Variants in COL16A1 observed in about 807,000 individuals in gnomAD.
COL16A1 encodes the protein collagen alpha-1(XVI) chain.
In COL16A1, 189 loss-of-function variants were observed where a neutral mutation model predicts 266.3. The ratio of observed to expected loss-of-function variants is 0.71; its 90% CI spans 0.63 to 0.80. The LOEUF is 0.80. Ranked by LOEUF, COL16A1 falls within the 30% of genes least tolerant of loss-of-function variation. COL16A1 has a pLI of 0.00. For synonymous variants in COL16A1, 740 were observed against 782.3 expected, an observed-to-expected ratio of 0.95 and a Z score of 0.90; for missense variants, 1,928 against 2,122.4, an observed-to-expected ratio of 0.91 and a Z score of 1.80.
At chr1:31,695,304 G>T in intron 10 of COL16A1, 83 bp from the exon 11 acceptor site, 1 of 1,339,586 alleles carries the variant, frequency 7.5e-7, no homozygotes, top group Non-Finnish European at 1.1e-6. Flanking sequence ...CAGGCCCACA[G>T]AACATCACAC....
At position 31,676,277 on chromosome 1, in the gene COL16A1, A is replaced by C. The variant is rs536972317; in HGVS notation, c.2773-966T>G. Among the ~76,000 whole-genome samples the C allele has an allele frequency of 2.0e-5, 3 of 149,468 alleles. No homozygotes were observed. In the East Asian group the frequency reaches 6.0e-4, roughly 30 times the overall value. ...GAGATGGAGGTTGCAGTGAGCCAAGATTACGCCACTACACTTTAGTCTAGG... is the reference window on the plus strand; with the variant it reads ...GAGATGGAGGTTGCAGTGAGCCAAGCTTACGCCACTACACTTTAGTCTAGG... On this transcript the variant is annotated intron_variant, in intron 42 of 70. Transcript: ENST00000373672.
chr1:31,654,966 A>ATTT, intron 67 of COL16A1, 108 bp from the exon 68 acceptor site: 1 of 702,690 alleles, frequency 1.4e-6, no homozygotes, highest in Non-Finnish European at 2.1e-6. Flanking sequence ...AGCCTCCCAC[A>ATTT]GATTCTTTTT....
chr1:31,689,851 C>A lies in COL16A1; in HGVS notation c.1510G>T (p.Gly504Cys), dbSNP rs148862191. ...GTTGGGCACACTTCACAGGGGTCAC[C>A]CTAGCAGAAGGGAGAGGCAGTATGT... ...PGKPGVKGEKGDPCEVCPTLP... is the reference protein window; with the variant it reads ...PGKPGVKGEKCDPCEVCPTLP... The change falls in exon 23 of 71, where the codon GGT becomes TGT. Residue 504 changes from glycine to cysteine, a missense_variant and splice_region_variant. Coordinates refer to ENST00000373672, the MANE Select transcript of COL16A1 (RefSeq NM_001856.4). The A allele has an allele frequency of 8.7e-6, 14 of 1,613,750 alleles. No homozygotes were observed. The African/African-American group carries it at 1.9e-4, about 22-fold the overall frequency.
intron 36 of COL16A1, 77 bp downstream of exon 36, chr1:31,683,117 C>T: frequency 3.1e-6 from 5 of 1,609,070 alleles, no homozygotes; most frequent in Non-Finnish European, 4.2e-6. Flanking sequence ...CATCACTTGG[C>T]CCCCATGTCC....
intron 42 of COL16A1, chr1:31,679,255 C>A: frequency 2.8e-6 from 2 of 711,964 alleles, no homozygotes; most frequent in Non-Finnish European, 4.5e-6. Flanking sequence ...CTACTGTATT[C>A]ACAGCAGTTA....
rs905833977 is a variant in COL16A1 at position 31,656,244 on chromosome 1, G to A, written c.4101+156C>T. ...AACCACAGCTAATGACCCCATGTGA[G>A]AAATTTTCAGACACTATCCTGCTCC... On this transcript the variant is annotated intron_variant, in intron 66 of 70. Transcript: ENST00000373672. The surrounding 1 kb of genome is among the most constrained non-coding windows in gnomAD (Gnocchi z 4.2). The A allele has an allele frequency of 2.3e-6, 3 of 1,297,718 alleles. No individual in the cohort carries two copies. Among genetic ancestry groups the A allele is most frequent in the African/African-American group, 1.5e-5 (1 of 65,936 alleles). 80.4% of individuals were successfully genotyped at this position (1,297,718 alleles called of 1,614,324 possible).
chr1:31,670,405 A>G lies in COL16A1; in HGVS notation c.3195+197T>C. On this transcript the variant is annotated intron_variant, in intron 49 of 70. Transcript: ENST00000373672. The surrounding 1 kb of genome is among the most constrained non-coding windows in gnomAD (Gnocchi z 4.5). ...CGCAGGAGAGGAGGGAGAGGAGAAA[A>G]CGGAAAGGAGTCAGAGACTGGGAGG... The G allele has an allele frequency of 1.9e-6, 1 of 538,070 alleles. No homozygotes were observed. Among genetic ancestry groups the G allele is most frequent in the Non-Finnish European group, 3.0e-6 (1 of 329,466 alleles). 33.3% of individuals were successfully genotyped at this position (538,070 alleles called of 1,614,324 possible).
rs909675722 is a variant in COL16A1 at position 31,698,236 on chromosome 1, G to T, written c.391-64C>A. On this transcript the variant is annotated intron_variant, in intron 5 of 70. Transcript: ENST00000373672. This position sits in a 1 kb window ranked among gnomAD's most constrained non-coding sequence, Gnocchi z 4.1. ...AGCTCCAGAGTCACACCATGGGCAC[G>T]TTCAGGGACCTTGAACTCATTTCAC... 27 of 1,592,308 alleles carry T rather than the reference G, an allele frequency of 1.7e-5. No homozygotes were observed. Among genetic ancestry groups the T allele is most frequent in the Non-Finnish European group, 2.3e-5 (27 of 1,168,934 alleles).
In COL16A1 at chr1:31,692,586, T is replaced by A. The variant is rs769373227; in HGVS notation, c.1158+12A>T. 6.2e-7 allele frequency: 1 copy of A among 1,614,074 alleles called. No individual in the cohort carries two copies. Among genetic ancestry groups the A allele is most frequent in the African/African-American group, 1.3e-5 (1 of 74,996 alleles). On this transcript the variant is annotated intron_variant, in intron 15 of 70. Coordinates refer to ENST00000373672, the MANE Select transcript of COL16A1 (RefSeq NM_001856.4). ...CCCACCATCCCTGCCCTATCCCTGG[T>A]CCCACACTCACCAGAGCTCCTGACT...
In COL16A1 at chr1:31,697,179, C is replaced by T; in HGVS notation, c.738+41G>A. On this transcript the variant is annotated intron_variant, in intron 7 of 70. Coordinates refer to ENST00000373672, the MANE Select transcript of COL16A1 (RefSeq NM_001856.4). The surrounding 1 kb of genome is among the most constrained non-coding windows in gnomAD (Gnocchi z 4.2). ...TCACCTTCCAGACCCTCATCTCCAG[C>T]ACAGTGTGTCCCTGGGCAGCCCAAG... The T allele has an allele frequency of 6.2e-7, 1 of 1,613,064 alleles. No homozygotes were observed. Among genetic ancestry groups the T allele is most frequent in the Non-Finnish European group, 8.5e-7 (1 of 1,179,466 alleles).
Position 31,672,815 on chromosome 1 carries a change from C to A in COL16A1, c.2885G>T (p.Gly962Val). 6.2e-7 allele frequency: 1 copy of A among 1,614,086 alleles called. No homozygotes were observed. Among genetic ancestry groups the A allele is most frequent in the Non-Finnish European group, 8.5e-7 (1 of 1,179,978 alleles). ...GAGGTACCCTGGGTGGGCCCTCTGC[C>A]CCTGGACACAGTCCCCGCAGATACT... ...LKSICGDCVQ[G>V]QRAHPGYLVE... Residue 962 changes from glycine to valine, a missense_variant, in exon 45 of 71, where the codon GGG (glycine) becomes GTG (valine). Transcript: ENST00000373672.
intron 11 of COL16A1, 161 bp downstream of exon 11, chr1:31,695,025 G>T: frequency 1.4e-6 from 1 of 716,262 alleles, no homozygotes; most frequent in South Asian, 1.7e-5. Context: ...GGTGGAGATG[G>T]CAGTGGGGGT....
Position 31,662,630 on chromosome 1 carries a change from C to T in COL16A1, c.3584G>A (p.Gly1195Asp), listed in dbSNP as rs1258586487. 4 of 1,557,020 alleles carry T rather than the reference C, an allele frequency of 2.6e-6. No homozygotes were observed. Among genetic ancestry groups the T allele is most frequent in the Non-Finnish European group, 3.5e-6 (4 of 1,151,160 alleles). The change falls in exon 57 of 71, where the codon GGC becomes GAC. Residue 1195 changes from glycine (G) to aspartate (D), a missense_variant. Physicochemically the swap from Gly to Asp is moderately conservative, Grantham distance 94. Transcript: ENST00000373672. ...CGGTGGCCCAGGGGAGCCAGGCAGGCCTGATGGGCCTCGAATCCCTTCGCT... is the reference window on the plus strand; with the variant it reads ...CGGTGGCCCAGGGGAGCCAGGCAGGTCTGATGGGCCTCGAATCCCTTCGCT... ...KGSEGIRGPS[G>D]LPGSPGPPGP...
At chr1:31,699,697 G>T (rs1030964984) in intron 4 of COL16A1, 116 bp downstream of exon 4, 2 of 726,358 alleles carry the variant, frequency 2.8e-6, no homozygotes, top group Non-Finnish European at 4.7e-6. Flanking sequence ...TCCTGGCAGG[G>T]GCTGGGATGC....
At chr1:31,674,775 C>A (rs1643037734) in intron 44 of COL16A1, among the ~76,000 whole-genome samples, 1 of 152,204 alleles carries the variant, frequency 6.6e-6, no homozygotes, top group South Asian at 2.1e-4. Flanking sequence ...ACAGCATCTG[C>A]CATGTGGGCA....
intron 49 of COL16A1, chr1:31,669,910 C>G (rs1339044095): frequency 6.6e-6 from 1 of 152,302 alleles, no homozygotes; most frequent in Non-Finnish European, 1.5e-5. Context: ...CACCCAGAAA[C>G]CCAACTGGCT....
At position 31,668,072 on chromosome 1, in the gene COL16A1, C is replaced by T. The variant is rs917380700; in HGVS notation, c.3303+93G>A. 17 of 1,147,734 alleles carry T rather than the reference C, an allele frequency of 1.5e-5. No homozygotes were observed. Among genetic ancestry groups the T allele is most frequent in the Non-Finnish European group, 2.0e-5 (16 of 790,424 alleles). 71.1% of individuals were successfully genotyped at this position (1,147,734 alleles called of 1,614,324 possible). On this transcript the variant is annotated intron_variant, in intron 51 of 70. Transcript: ENST00000373672. This position sits in a 1 kb window ranked among gnomAD's most constrained non-coding sequence, Gnocchi z 5.8. ...CTGAAATGCCCGGTAATGGGGAGCC[C>T]GCCGAGGGTTGCCCAGCCTGGCTGT...
chr1:31,677,281 G>A (rs1315653388), intron 42 of COL16A1, among the ~76,000 whole-genome samples: 1 of 152,196 alleles, frequency 6.6e-6, no homozygotes, highest in Non-Finnish European at 1.5e-5. Context: ...TAGAGACGGG[G>A]TTTCGCCATG....
chr1:31,665,903 G>C lies in COL16A1; in HGVS notation c.3435C>G (p.Asn1145Lys). The change falls in exon 54 of 71, where the codon AAC (asparagine) becomes AAG (lysine). Residue 1145 changes from asparagine to lysine, a missense_variant. By Grantham distance (94) the Asn-to-Lys change is moderately conservative. This residue lies in a region of COL16A1 where 1,552 missense variants were observed against 1,637.2 expected (regional missense o/e 0.95). Coordinates refer to ENST00000373672, the MANE Select transcript of COL16A1 (RefSeq NM_001856.4). ...GPRGERGPQG[N>K]SGEKGDQGFQ... ...TCACCTGGTCGCCCTTCTCACCGGA[G>C]TTACCTTGGGGTCCTCGCTCTCCTC... 6.2e-7 allele frequency: 1 copy of C among 1,614,114 alleles called. No individual in the cohort carries two copies. Among genetic ancestry groups the C allele is most frequent in the Non-Finnish European group, 8.5e-7 (1 of 1,179,998 alleles).
Sources: gnomAD v4.1 joint callset for allele counts (sites outside exome capture counted in the v4.1 genomes callset) on GRCh38, gnomAD v4.1.1 for gene constraint, gnomAD v4.1.1 regional missense constraint, Gnocchi (gnomAD v3.1) non-coding constraint, MANE v1.5 for transcripts, NCBI Gene and HGNC (gene_info 2026-07-23, HGNC 2026-07-21) for gene names.